Variants in FAM241A observed in about 807,000 individuals in gnomAD.
FAM241A encodes the protein uncharacterized protein FAM241A.
Under a neutral mutation model 12.2 loss-of-function variants are expected in FAM241A, and 7 were observed. The observed-to-expected ratio is 0.58, with a 90% CI of 0.33 to 1.08. FAM241A has a LOEUF of 1.08. Ranked by LOEUF, FAM241A falls within the 50% of genes least tolerant of loss-of-function variation. The pLI is 0.04. For synonymous variants in FAM241A, 74 were observed against 68.2 expected (o/e 1.08, Z -0.42); for missense variants, 161 against 169.7 (o/e 0.95, Z 0.29).
intron 1 of FAM241A, among the ~76,000 whole-genome samples, chr4:112,177,551 G>A (rs1177189564): frequency 6.6e-6 from 1 of 151,998 alleles, no homozygotes; most frequent in African/African-American, 2.4e-5. Context: ...TAAATGGGGG[G>A]AAATAATAGT....
chr4:112,163,713 G>C (rs567790680), intron 1 of FAM241A, among the ~76,000 whole-genome samples: 2 of 152,336 alleles, frequency 1.3e-5, no homozygotes, highest in South Asian at 4.1e-4. Flanking sequence ...GCTGTTGGTT[G>C]GATTGTAAGC....
intron 1 of FAM241A, among the ~76,000 whole-genome samples, chr4:112,161,476 G>A (rs893856532): frequency 6.6e-6 from 1 of 151,924 alleles, no homozygotes; most frequent in Non-Finnish European, 1.5e-5. Flanking sequence ...TGATAAAGGG[G>A]TATCACCACC....
rs548182394 is a variant in FAM241A, at chr4:112,189,251, G to A, written c.*2313G>A. 1 of 151,896 alleles carries A rather than the reference G, an allele frequency of 6.6e-6. No homozygotes were observed. Among genetic ancestry groups the A allele is most frequent in the Non-Finnish European group, 1.5e-5 (1 of 68,060 alleles). The allele number at this position is 151,896 out of a possible 1,614,324, so 9.4% of individuals were successfully genotyped here. The stretch of plus-strand genomic sequence containing the variant: ...GTACAAAAAATTAGCCGGGCCTGGT[G>A]GCAGGTGCCTGTCGTCCCAGCTACT... On this transcript the variant is annotated 3_prime_UTR_variant, in exon 2 of 2. Transcript: ENST00000309733.
rs898312653 is a variant in FAM241A, at chr4:112,186,980, A to G, written c.*42A>G. ...ATTGTTTGACATTTGGTAGCCATAT[A>G]TGTAATTGAAGAAGTTATATATTTC... On this transcript the variant is annotated 3_prime_UTR_variant, in exon 2 of 2. Transcript: ENST00000309733. 2 of 1,577,054 alleles carry G rather than the reference A, an allele frequency of 1.3e-6. No homozygotes were observed. The highest frequency in any genetic ancestry group is 1.9e-5 in the Admixed American group (1 of 53,736).
intron 1 of FAM241A, among the ~76,000 whole-genome samples, chr4:112,156,670 G>T (rs1723359576): frequency 6.6e-6 from 1 of 152,156 alleles, no homozygotes; most frequent in South Asian, 2.1e-4. Context: ...AAATTACCAT[G>T]ACAGAAATTA....
intron 1 of FAM241A, among the ~76,000 whole-genome samples, chr4:112,178,137 T>C (rs191019913): frequency 6.6e-6 from 1 of 152,226 alleles, no homozygotes; most frequent in Non-Finnish European, 1.5e-5. Context: ...TATAAAGAAA[T>C]AATTTTATAG....
At chr4:112,170,771 G>A (rs1723702189) in intron 1 of FAM241A, among the ~76,000 whole-genome samples, 1 of 152,052 alleles carries the variant, frequency 6.6e-6, no homozygotes, top group Non-Finnish European at 1.5e-5. Context: ...AAGAGAAACT[G>A]GATAAGGGGG....
chr4:112,179,943 A>ATT (rs1553921438), intron 1 of FAM241A, among the ~76,000 whole-genome samples: 1 of 129,514 alleles, frequency 7.7e-6, no homozygotes, highest in Non-Finnish European at 1.6e-5. Context: ...ATATATGTAT[A>ATT]TGTGTGTGTG....
At chr4:112,168,665 A>AT (rs146001118) in intron 1 of FAM241A, among the ~76,000 whole-genome samples, 4,478 of 149,960 alleles carry the variant, frequency 0.03, 180 homozygotes, top group East Asian at 0.16. Context: ...CTATATTTGG[A>AT]TTTTTTTTTT....
rs545743194 is a variant in FAM241A at position 112,192,333 on chromosome 4, T to A, written c.*5395T>A. 4 of 151,736 alleles carry A rather than the reference T, an allele frequency of 2.6e-5. No homozygotes were observed. Among genetic ancestry groups the A allele is most frequent in the African/African-American group, 9.7e-5 (4 of 41,276 alleles). 9.4% of individuals were successfully genotyped at this position (151,736 alleles called of 1,614,324 possible). On this transcript the variant is annotated 3_prime_UTR_variant, in exon 2 of 2. Transcript: ENST00000309733. ...CTTTATTTACTACATTTTAATTTTT[T>A]AATTTTTTTCTTTTATTTTATTGTT...
At chr4:112,160,710 A>T (rs531798114) in intron 1 of FAM241A, among the ~76,000 whole-genome samples, 1 of 152,234 alleles carries the variant, frequency 6.6e-6, no homozygotes, top group African/African-American at 2.4e-5. Context: ...AAACAGACAC[A>T]TAGACCAATG....
At chr4:112,157,286 A>G (rs1208923662) in intron 1 of FAM241A, among the ~76,000 whole-genome samples, 5 of 152,152 alleles carry the variant, frequency 3.3e-5, no homozygotes, top group Non-Finnish European at 7.4e-5. Context: ...CTTCACTGGA[A>G]CAGAGTTTAT....
Position 112,186,692 on chromosome 4 carries a change from G to A in FAM241A, c.154-1G>A. On this transcript the variant is annotated splice_acceptor_variant, in intron 1 of 1. Coordinates refer to ENST00000309733, the MANE Select transcript of FAM241A (RefSeq NM_152400.3). LOFTEE classifies it high-confidence loss of function. ...TTTTGTCTTTTTTTTTTTTTTTAAA[G>A]GATGTTGAAGACTCACAGAACCACA... 6.3e-7 allele frequency: 1 copy of A among 1,574,992 alleles called. No individual in the cohort carries two copies. The highest frequency in any genetic ancestry group is 2.2e-5 in the East Asian group (1 of 44,514).
intron 1 of FAM241A, among the ~76,000 whole-genome samples, chr4:112,182,772 G>T (rs75123599): frequency 0.062 from 9,477 of 152,086 alleles, 494 homozygotes; most frequent in African/African-American, 0.15. Context: ...ATTGGCAAAC[G>T]CTGTAAAATA....
At chr4:112,170,526 C>T (rs1231164465) in intron 1 of FAM241A, among the ~76,000 whole-genome samples, 3 of 152,144 alleles carry the variant, frequency 2.0e-5, no homozygotes, top group Non-Finnish European at 1.5e-5. Context: ...TGTGATCTGT[C>T]GATCTGATAA....
At chr4:112,166,546 A>G (rs1454409441) in intron 1 of FAM241A, among the ~76,000 whole-genome samples, 2 of 152,082 alleles carry the variant, frequency 1.3e-5, no homozygotes, top group Admixed American at 6.6e-5. Flanking sequence ...ATGTTTTCTG[A>G]AAAAGAAATT....
intron 1 of FAM241A, among the ~76,000 whole-genome samples, chr4:112,153,365 A>G (rs1723281957): frequency 6.6e-6 from 1 of 152,222 alleles, no homozygotes; most frequent in African/African-American, 2.4e-5. Flanking sequence ...TGTAACAGAA[A>G]TATGTAGAAA....
chr4:112,153,203 T>TATAG (rs1723278866), intron 1 of FAM241A, among the ~76,000 whole-genome samples: 1 of 151,434 alleles, frequency 6.6e-6, no homozygotes, highest in Non-Finnish European at 1.5e-5. Flanking sequence ...TGTAGATCTC[T>TATAG]AGTTGGTTTC....
In FAM241A at chr4:112,145,619, C is replaced by T; in HGVS notation, c.39C>T (p.Gly13=). ...SAGELLRGGD[G]GERDEDGDAL... The stretch of plus-strand genomic sequence containing the variant: ...GGGAGCTGCTGCGGGGCGGCGACGG[C>T]GGGGAACGCGACGAGGACGGGGACG... Residue 13 remains glycine, a synonymous_variant, in exon 1 of 2, where the codon GGC becomes GGT. Coordinates refer to ENST00000309733, the MANE Select transcript of FAM241A (RefSeq NM_152400.3). 5 of 1,230,800 alleles carry T rather than the reference C, an allele frequency of 4.1e-6. No homozygotes were observed. Among genetic ancestry groups the T allele is most frequent in the South Asian group, 8.0e-5 (2 of 25,128 alleles). The allele number at this position is 1,230,800 out of a possible 1,614,324, so 76.2% of individuals were successfully genotyped here.
Sources: gnomAD v4.1 joint callset for allele counts (sites outside exome capture counted in the v4.1 genomes callset) on GRCh38, gnomAD v4.1.1 for gene constraint, MANE v1.5 for transcripts, NCBI Gene and HGNC (gene_info 2026-07-23, HGNC 2026-07-21) for gene names.